Variants in ZNF732 observed in about 807,000 individuals in gnomAD.
The protein encoded by ZNF732 is zinc finger protein 732.
Under a neutral mutation model 11.5 loss-of-function variants are expected in ZNF732, and 12 were observed. The observed-to-expected ratio is 1.05, with a 90% confidence interval of 0.67 to 1.70. The LOEUF is 1.70. Among genes scored for constraint, ZNF732 ranks in the 40% most tolerant of loss-of-function variants. The pLI is 0.00. For synonymous variants in ZNF732, 231 were observed against 236.5 expected (o/e 0.98, Z 0.21); for missense variants, 702 against 676.9 (o/e 1.04, Z -0.41).
rs1475925004 is a variant in ZNF732, at chr4:283,493, C to T, written c.227-10863G>A. The stretch of plus-strand genomic sequence containing the variant: ...CTATATTTACATCAGACAAAATAGA[C>T]TTCTAAAAAAAATCTGCCACAAAAA... On this transcript the variant is annotated intron_variant, in intron 3 of 3. Transcript: ENST00000419098. Among the ~76,000 whole-genome samples, 18 of 149,954 alleles carry T rather than the reference C, an allele frequency of 1.2e-4. No homozygotes were observed. In the East Asian group the frequency reaches 3.3e-3, roughly 28 times the overall value.
At chr4:299,414 TACAC>T (rs1280859796) in intron 1 of ZNF732, among the ~76,000 whole-genome samples, 3 of 65,792 alleles carry the variant, frequency 4.6e-5, no homozygotes, top group East Asian at 4.0e-4. Flanking sequence ...TATATATATA[TACAC>T]ATATATACAC....
chr4:282,938 GTTC>G (rs1719646521), intron 3 of ZNF732, among the ~76,000 whole-genome samples: 1 of 152,104 alleles, frequency 6.6e-6, no homozygotes, highest in Non-Finnish European at 1.5e-5. Context: ...ATAGTAATAA[GTTC>G]TTATCAATCA....
At chr4:289,576 T>C (rs1238610123) in intron 3 of ZNF732, among the ~76,000 whole-genome samples, 2 of 152,254 alleles carry the variant, frequency 1.3e-5, no homozygotes, top group South Asian at 2.1e-4. Flanking sequence ...AGCAAGCTTA[T>C]TGTTAGCATA....
intron 1 of ZNF732, among the ~76,000 whole-genome samples, chr4:298,752 C>G (rs966758666): frequency 2.2e-4 from 34 of 152,314 alleles, no homozygotes; most frequent in Non-Finnish European, 1.6e-4. Flanking sequence ...GCCCCTGTCC[C>G]TGATCAGCTA....
chr4:297,941 G>A (rs1244710194), intron 1 of ZNF732, among the ~76,000 whole-genome samples: 2 of 152,088 alleles, frequency 1.3e-5, no homozygotes, highest in East Asian at 1.9e-4. Flanking sequence ...ATGCCGCTAA[G>A]TTTTTTCAGT....
At chr4:282,966 T>C (rs1285331661) in intron 3 of ZNF732, among the ~76,000 whole-genome samples, 9 of 152,154 alleles carry the variant, frequency 5.9e-5, no homozygotes, top group Non-Finnish European at 1.0e-4. Context: ...TTCCTTTAAA[T>C]ATAAAAAAAA....
In ZNF732 at chr4:299,446, T is replaced by TACAC. The variant is rs1560165234; in HGVS notation, c.4-3292_4-3291insGTGT. Among the ~76,000 whole-genome samples, 38 of 77,122 alleles carry TACAC rather than the reference T, an allele frequency of 4.9e-4. 3 individuals are homozygous for TACAC. The highest frequency in any genetic ancestry group is 2.8e-4 in the Admixed American group (2 of 7,206). 50.6% of individuals were successfully genotyped at this position (77,122 alleles called of 152,430 possible). A position where few individuals can be genotyped will look rare whatever the true frequency, so the allele number is the denominator to read the frequency against. ...ATATACACATATGTGTATATATATA[T>TACAC]ATATACACATATGTGTATATATATA... is the stretch of plus-strand genomic sequence containing the variant. On this transcript the variant is annotated intron_variant, in intron 1 of 3. Coordinates refer to ENST00000419098, the MANE Select transcript of ZNF732 (RefSeq NM_001137608.3).
intron 3 of ZNF732, among the ~76,000 whole-genome samples, chr4:286,657 T>C (rs755787416): frequency 1.3e-5 from 2 of 152,242 alleles, no homozygotes; most frequent in Non-Finnish European, 2.9e-5. Context: ...TGAGTAGCTG[T>C]TGTTTAATGG....
In ZNF732 at chr4:299,448, T is replaced by C. The variant is rs868940929; in HGVS notation, c.4-3293A>G. Among the ~76,000 whole-genome samples the C allele has an allele frequency of 2.0e-4, 17 of 83,816 alleles. 1 individual carries two copies. In the East Asian group the frequency reaches 2.8e-3, roughly 14 times the overall value. The allele number at this position is 83,816 out of a possible 152,430, so 55.0% of individuals were successfully genotyped here. On this transcript the variant is annotated intron_variant, in intron 1 of 3. Coordinates refer to ENST00000419098, the MANE Select transcript of ZNF732 (RefSeq NM_001137608.3). ...ATACACATATGTGTATATATATATA[T>C]ATACACATATGTGTATATATATATA... is the stretch of plus-strand genomic sequence containing the variant.
intron 3 of ZNF732, among the ~76,000 whole-genome samples, chr4:290,794 C>T (rs957741579): frequency 1.3e-5 from 2 of 152,198 alleles, no homozygotes; most frequent in Non-Finnish European, 2.9e-5. Context: ...CCATCAAAGA[C>T]ACAATGCACA....
chr4:283,911 G>GT (rs528513317), intron 3 of ZNF732, among the ~76,000 whole-genome samples: 15 of 151,612 alleles, frequency 9.9e-5, no homozygotes, highest in Non-Finnish European at 7.4e-5. Context: ...ACTTGTTTGT[G>GT]TTTTTTTTAG....
rs1553837702 is a variant in ZNF732, at chr4:271,976, G to C, written c.881C>G (p.Ala294Gly). ...GKIITSSSNV[A>G]KHKKIHTGEK... Reference sequence around the variant, plus strand: ...TCCGGTATGAATTTTCTTATGTTTGGCAACATTTGAGGATGAGGTAATGAT... The same window carrying C: ...TCCGGTATGAATTTTCTTATGTTTGCCAACATTTGAGGATGAGGTAATGAT... Residue 294 changes from alanine to glycine, a missense_variant, in exon 4 of 4, where the codon GCC becomes GGC. By Grantham distance (60) the Ala-to-Gly change is moderately conservative. Coordinates refer to ENST00000419098, the MANE Select transcript of ZNF732 (RefSeq NM_001137608.3). 1 of 1,605,910 alleles carries C rather than the reference G, an allele frequency of 6.2e-7. No individual in the cohort carries two copies. The highest frequency in any genetic ancestry group is 1.7e-5 in the Admixed American group (1 of 58,514).
intron 3 of ZNF732, 40 bp from the exon 4 acceptor site, chr4:272,670 C>G: frequency 1.4e-6 from 2 of 1,435,786 alleles, no homozygotes; most frequent in Non-Finnish European, 9.2e-7. Context: ...TTACTAGATT[C>G]ATACGAATAT....
chr4:299,461 G>GTATATATATACACATATGTGTA (rs1720052185), intron 1 of ZNF732, among the ~76,000 whole-genome samples: 1 of 83,568 alleles, frequency 1.2e-5, no homozygotes, highest in Non-Finnish European at 2.1e-5. Flanking sequence ...ACACATATGT[G>GTATATATATACACATATGTGTA]TATATATATA....
intron 1 of ZNF732, among the ~76,000 whole-genome samples, chr4:302,170 G>A (rs1553843709): frequency 6.6e-6 from 1 of 152,186 alleles, no homozygotes. Context: ...GTTGTGAGTG[G>A]AATCCTGAGA....
At chr4:296,269 T>C (rs1719950289) in intron 1 of ZNF732, 114 bp from the exon 2 acceptor site, 4 of 1,384,526 alleles carry the variant, frequency 2.9e-6, no homozygotes, top group African/African-American at 1.5e-5. Flanking sequence ...AAAATAACTT[T>C]CAACACAGTA....
chr4:276,805 CTT>C (rs1313030914), intron 3 of ZNF732, among the ~76,000 whole-genome samples: 35 of 151,314 alleles, frequency 2.3e-4, no homozygotes, highest in African/African-American at 8.0e-4. Flanking sequence ...AAAAAACAAA[CTT>C]AAACTTCACA....
chr4:302,789 G>A (rs911977504), intron 1 of ZNF732, among the ~76,000 whole-genome samples: 4 of 152,230 alleles, frequency 2.6e-5, no homozygotes, highest in African/African-American at 9.6e-5. Flanking sequence ...AGGAGCAGTG[G>A]CTCACGCCTG....
intron 1 of ZNF732, among the ~76,000 whole-genome samples, chr4:298,703 G>A (rs148606280): frequency 6.6e-6 from 1 of 152,262 alleles, no homozygotes; most frequent in East Asian, 1.9e-4. Flanking sequence ...AAATGAAACA[G>A]CCCTGGTGAA....
Sources: allele counts gnomAD v4.1 joint callset (sites outside exome capture counted in the v4.1 genomes callset), GRCh38; gene constraint gnomAD v4.1.1; transcripts MANE v1.5; gene names NCBI Gene and HGNC (gene_info 2026-07-23, HGNC 2026-07-21).